OTUB2: variants seen among roughly 807,000 people sequenced by gnomAD.
OTUB2 encodes ubiquitin thioesterase OTUB2.
In OTUB2, 21 loss-of-function variants were observed where a neutral mutation model predicts 25.1. That is an observed-to-expected ratio of 0.84 (90% CI 0.59 to 1.21). The LOEUF (loss-of-function observed/expected upper bound fraction) is 1.21. OTUB2 is among the 50% of genes most tolerant of loss of function. The probability of loss-of-function intolerance (pLI) is 0.00; values close to 1 mark genes in which losing one functional copy is unlikely to be tolerated. For synonymous variants in OTUB2, 122 were observed against 122.8 expected (o/e 0.99, Z 0.04); for missense variants, 283 against 298.0 (o/e 0.95, Z 0.37).
At chr14:94,032,341 A>G (rs1228681334) in intron 1 of OTUB2, among the ~76,000 whole-genome samples, 4 of 152,244 alleles carry the variant, frequency 2.6e-5, no homozygotes, top group Admixed American at 1.3e-4. Context: ...CAGAATATCT[A>G]TAGAATAGTA....
At chr14:94,044,508 G>A in intron 4 of OTUB2, 78 bp from the exon 5 acceptor site, 1 of 1,430,224 alleles carries the variant, frequency 7.0e-7, no homozygotes, top group Non-Finnish European at 9.5e-7. Flanking sequence ...TTCACGCGAA[G>A]GGAGGGAGCG....
intron 3 of OTUB2, chr14:94,039,351 C>T (rs73348145): frequency 0.011 from 5,570 of 499,318 alleles, 277 homozygotes; most frequent in African/African-American, 0.097. Context: ...CCAGGTGAGT[C>T]GCAGGGAGCA....
In OTUB2 at chr14:94,026,507, G is replaced by A; in HGVS notation, c.-31G>A. 7.7e-7 allele frequency: 1 copy of A among 1,301,718 alleles called. No individual in the cohort carries two copies. Among genetic ancestry groups the A allele is most frequent in the Non-Finnish European group, 9.8e-7 (1 of 1,019,462 alleles). 80.6% of individuals were successfully genotyped at this position (1,301,718 alleles called of 1,614,324 possible). A position where few individuals can be genotyped will look rare whatever the true frequency, so the allele number is the denominator to read the frequency against. ...CCCGCACCGGATCGCTCCTCGCTGG[G>A]GCGGGACCTGGCCTGGCGGCTCTGG... On this transcript the variant is annotated 5_prime_UTR_variant, in exon 1 of 6. Transcript: ENST00000203664.
chr14:94,039,093 G>C lies in OTUB2; in HGVS notation c.218+12G>C. 1 of 1,602,634 alleles carries C rather than the reference G, an allele frequency of 6.2e-7. No individual in the cohort carries two copies. Among genetic ancestry groups the C allele is most frequent in the Non-Finnish European group, 8.5e-7 (1 of 1,170,118 alleles). ...AGGGAGATCTTCAAGTGAGTGCCGG[G>C]GCCCCTTGGCCTGTCAGGGCTGTGT... On this transcript the variant is annotated intron_variant, in intron 3 of 5. Transcript: ENST00000203664.
chr14:94,032,171 T>A (rs1305199333), intron 1 of OTUB2, among the ~76,000 whole-genome samples: 2 of 152,044 alleles, frequency 1.3e-5, no homozygotes, highest in Non-Finnish European at 2.9e-5. Context: ...AAAGCGAGAA[T>A]CCCCTTGTCC....
At position 94,044,517 on chromosome 14, in the gene OTUB2, C is replaced by T. The variant is rs1267613297; in HGVS notation, c.304-69C>T. On this transcript the variant is annotated intron_variant, in intron 4 of 5. Transcript: ENST00000203664. ...GAGGGCTTCACGCGAAGGGAGGGAG[C>T]GGAGGGAGAATGCAGAGGGAGGGCT... 5.4e-6 allele frequency: 8 copies of T among 1,477,394 alleles called. No homozygotes were observed. The Admixed American group carries it at 5.8e-5, about 11-fold the overall frequency. The allele number at this position is 1,477,394 out of a possible 1,614,324, so 91.5% of individuals were successfully genotyped here. A position where few individuals can be genotyped will look rare whatever the true frequency, so the allele number is the denominator to read the frequency against.
intron 1 of OTUB2, among the ~76,000 whole-genome samples, chr14:94,032,634 T>A (rs1353613425): frequency 1.3e-5 from 2 of 152,180 alleles, no homozygotes; most frequent in Admixed American, 1.3e-4. Flanking sequence ...GTTGTGTGAA[T>A]GTACTTAAGG....
In OTUB2 at chr14:94,045,822, C is replaced by T. The variant is rs531727315; in HGVS notation, c.605C>T (p.Ala202Val). 6.2e-6 allele frequency: 10 copies of T among 1,614,200 alleles called. No individual in the cohort carries two copies. In the South Asian group the frequency reaches 8.8e-5, roughly 14 times the overall value. ...QVEYVDEMDT[A>V]LNHHVFPEAA... Reference sequence around the variant, plus strand: ...GAGTACGTGGACGAGATGGATACCGCCCTGAACCACCACGTGTTCCCTGAG... The same window carrying T: ...GAGTACGTGGACGAGATGGATACCGTCCTGAACCACCACGTGTTCCCTGAG... Residue 202 changes from alanine to valine, a missense_variant, in exon 6 of 6, where the codon GCC becomes GTC. Transcript: ENST00000203664.
Position 94,047,066 on chromosome 14 carries a change from C to G in OTUB2, c.*1144C>G, listed in dbSNP as rs754976883. On this transcript the variant is annotated 3_prime_UTR_variant, in exon 6 of 6. Coordinates refer to ENST00000203664, the MANE Select transcript of OTUB2 (RefSeq NM_023112.4). ...GGACCTTCAAGATTCCATCTGTGGGCTGGCCGGCAAGATGGCACCAGTGGG... is the reference window on the plus strand; with the variant it reads ...GGACCTTCAAGATTCCATCTGTGGGGTGGCCGGCAAGATGGCACCAGTGGG... The G allele has an allele frequency of 1.3e-5, 2 of 152,238 alleles. No homozygotes were observed. Among genetic ancestry groups the G allele is most frequent in the African/African-American group, 2.4e-5 (1 of 41,438 alleles). 9.4% of individuals were successfully genotyped at this position (152,238 alleles called of 1,614,324 possible). A position where few individuals can be genotyped will look rare whatever the true frequency, so the allele number is the denominator to read the frequency against.
At chr14:94,029,996 G>T (rs1216467691) in intron 1 of OTUB2, among the ~76,000 whole-genome samples, 2 of 152,240 alleles carry the variant, frequency 1.3e-5, no homozygotes, top group Non-Finnish European at 2.9e-5. Flanking sequence ...AGGCCCTGGG[G>T]TGAGAGTGTG....
chr14:94,032,606 G>T (rs1317310789), intron 1 of OTUB2, among the ~76,000 whole-genome samples: 1 of 152,116 alleles, frequency 6.6e-6, no homozygotes, highest in African/African-American at 2.4e-5. Context: ...TGGGATGGGT[G>T]GGGGCGAGGG....
rs766621369 is a variant in OTUB2, at chr14:94,044,822, C to G, written c.498+42C>G. On this transcript the variant is annotated intron_variant, in intron 5 of 5. Transcript: ENST00000203664. ...TCAGCCCCAGCCCTGGGCTCTGCTCCTGTGGCCCTGTCCTGCAGACTTCAG... is the reference window on the plus strand; with the variant it reads ...TCAGCCCCAGCCCTGGGCTCTGCTCGTGTGGCCCTGTCCTGCAGACTTCAG... The G allele has an allele frequency of 2.0e-5, 32 of 1,565,970 alleles. No homozygotes were observed. The East Asian group carries it at 7.3e-4, about 36-fold the overall frequency.
At chr14:94,036,313 A>T (rs977548322) in intron 1 of OTUB2, among the ~76,000 whole-genome samples, 5 of 152,212 alleles carry the variant, frequency 3.3e-5, no homozygotes, top group African/African-American at 1.2e-4. Flanking sequence ...ATTTACAAAA[A>T]TCCCAATTAA....
In OTUB2 at chr14:94,043,972, T is replaced by C; in HGVS notation, c.220T>C (p.Phe74Leu). The change falls in exon 4 of 6, where the codon TTC becomes CTC. Residue 74 changes from phenylalanine to leucine, a missense_variant and splice_region_variant. By Grantham distance (22) the Phe-to-Leu change is conservative. Coordinates refer to ENST00000203664, the MANE Select transcript of OTUB2 (RefSeq NM_023112.4). ...ACACTCAGTCTTCCCCCTCTGTAGG[T>C]TCAAAGAACGCGTACTGCAGACCCC... The part of the protein sequence containing the change: ...LLGKSREIFK[F>L]KERVLQTPND... 1 of 1,614,026 alleles carries C rather than the reference T, an allele frequency of 6.2e-7. No individual in the cohort carries two copies.
intron 1 of OTUB2, among the ~76,000 whole-genome samples, chr14:94,030,664 A>G (rs551480655): frequency 9.2e-5 from 14 of 152,268 alleles, no homozygotes; most frequent in South Asian, 6.2e-4. Flanking sequence ...AATGGCCCCA[A>G]TGATGTCCAC....
chr14:94,026,891 T>C (rs1351370481), intron 1 of OTUB2, among the ~76,000 whole-genome samples: 1 of 152,186 alleles, frequency 6.6e-6, no homozygotes, highest in East Asian at 1.9e-4. Flanking sequence ...GGTCGCCTCC[T>C]CTTTGTTAAG....
In OTUB2 at chr14:94,026,371, G is replaced by T. The variant is rs1274315494; in HGVS notation, c.-167G>T. The T allele has an allele frequency of 9.6e-6, 12 of 1,247,558 alleles. No homozygotes were observed. In the Admixed American group the frequency reaches 1.7e-4, roughly 18 times the overall value. The allele number at this position is 1,247,558 out of a possible 1,614,324, so 77.3% of individuals were successfully genotyped here. A position where few individuals can be genotyped will look rare whatever the true frequency, so the allele number is the denominator to read the frequency against. ...TGTGTCTTGCTGGGACACAGTGGAG[G>T]TCTAACCTTTGGTTTGCGGAGCGGT... On this transcript the variant is annotated 5_prime_UTR_variant, in exon 1 of 6. Coordinates refer to ENST00000203664, the MANE Select transcript of OTUB2 (RefSeq NM_023112.4).
intron 3 of OTUB2, among the ~76,000 whole-genome samples, chr14:94,041,288 T>C (rs775067781): frequency 1.1e-4 from 16 of 152,078 alleles, no homozygotes; most frequent in Non-Finnish European, 2.1e-4. Flanking sequence ...AGGAGCTGTG[T>C]TTTGCGATGC....
In OTUB2 at chr14:94,046,002, T is replaced by A; in HGVS notation, c.*80T>A. Reference sequence around the variant, plus strand: ...GGAACATTCCGGCTCTTCAATTTTTTAAGCAATTTAGACTGTAGCAAGAAA... The same window carrying A: ...GGAACATTCCGGCTCTTCAATTTTTAAAGCAATTTAGACTGTAGCAAGAAA... On this transcript the variant is annotated 3_prime_UTR_variant, in exon 6 of 6. Coordinates refer to ENST00000203664, the MANE Select transcript of OTUB2 (RefSeq NM_023112.4). 6.7e-7 allele frequency: 1 copy of A among 1,488,024 alleles called. No individual in the cohort carries two copies. Among genetic ancestry groups the A allele is most frequent in the Admixed American group, 1.9e-5 (1 of 53,894 alleles). 92.2% of individuals were successfully genotyped at this position (1,488,024 alleles called of 1,614,324 possible).
Sources: allele counts gnomAD v4.1 joint callset (sites outside exome capture counted in the v4.1 genomes callset), GRCh38; gene constraint gnomAD v4.1.1; transcripts MANE v1.5; gene names NCBI Gene and HGNC (gene_info 2026-07-23, HGNC 2026-07-21).